ADCY2: variants seen among roughly 807,000 people sequenced by gnomAD.
ADCY2 encodes adenylate cyclase type 2.
A neutral mutation model predicts 125.2 loss-of-function variants in ADCY2; 31 were observed. The observed-to-expected ratio is 0.25, with a 90% CI of 0.19 to 0.33. ADCY2 has a LOEUF of 0.33. ADCY2 is among the 10% of genes least tolerant of loss of function. The probability of loss-of-function intolerance (pLI) is 1.00; values close to 1 mark genes in which losing one functional copy is unlikely to be tolerated. For missense variants in ADCY2, 904 were observed against 1,418.2 expected, an observed-to-expected ratio of 0.64 and a Z score of 5.82; for synonymous variants, 512 against 548.4, an observed-to-expected ratio of 0.93 and a Z score of 0.93.
At chr5:7,533,085 ATG>A (rs1401351301) in intron 3 of ADCY2, among the ~76,000 whole-genome samples, 7 of 149,810 alleles carry the variant, frequency 4.7e-5, no homozygotes, top group African/African-American at 1.7e-4. Context: ...ATAAACATAT[ATG>A]TATATATACA....
At chr5:7,640,393 A>G (rs1738658167) in intron 4 of ADCY2, among the ~76,000 whole-genome samples, 1 of 152,160 alleles carries the variant, frequency 6.6e-6, no homozygotes, top group South Asian at 2.1e-4. Context: ...TTGAAAAGAT[A>G]TGAGTGGAAT....
chr5:7,496,338 A>G (rs1362602612), intron 2 of ADCY2, among the ~76,000 whole-genome samples: 1 of 152,212 alleles, frequency 6.6e-6, no homozygotes, highest in Non-Finnish European at 1.5e-5. Context: ...AGGAATTATC[A>G]TTAAGACGAA....
intron 12 of ADCY2, among the ~76,000 whole-genome samples, chr5:7,722,894 A>T (rs1741804864): frequency 7.2e-6 from 1 of 139,774 alleles, no homozygotes; most frequent in African/African-American, 2.7e-5. Flanking sequence ...CGGGAGGCAG[A>T]GGTTGCAGTG....
chr5:7,617,334 A>C (rs544772836), intron 3 of ADCY2, among the ~76,000 whole-genome samples: 1 of 152,290 alleles, frequency 6.6e-6, no homozygotes, highest in South Asian at 2.1e-4. Flanking sequence ...AAGTCACAGC[A>C]AGAAGGCAGC....
In ADCY2 at chr5:7,669,146, T is replaced by C. The variant is rs149750571; in HGVS notation, c.721-21545T>C. Among the ~76,000 whole-genome samples, 288 of 152,310 alleles carry C rather than the reference T, an allele frequency of 1.9e-3. 1 individual carries two copies. Among genetic ancestry groups the C allele is most frequent in the African/African-American group, 6.6e-3 (273 of 41,582 alleles). ...TGAACAAGAATTAGAGGGAATACACTGGTAGGAACAAAAGGAATCAAGAGT... is the reference window on the plus strand; with the variant it reads ...TGAACAAGAATTAGAGGGAATACACCGGTAGGAACAAAAGGAATCAAGAGT... On this transcript the variant is annotated intron_variant, in intron 4 of 24. Coordinates refer to ENST00000338316, the MANE Select transcript of ADCY2 (RefSeq NM_020546.3).
Position 7,810,063 on chromosome 5 carries a change from A to G in ADCY2, c.2883+5371A>G, listed in dbSNP as rs993451023. Among the ~76,000 whole-genome samples the G allele has an allele frequency of 2.0e-5, 3 of 152,174 alleles. 1 individual carries two copies. Among genetic ancestry groups the G allele is most frequent in the Admixed American group, 6.5e-5 (1 of 15,280 alleles). Reference sequence around the variant, plus strand: ...TGCCCTCAAGACCTCACTCTCTTCTAAGCCTCATACCTGCAGCCCCTGCTT... The same window carrying G: ...TGCCCTCAAGACCTCACTCTCTTCTGAGCCTCATACCTGCAGCCCCTGCTT... On this transcript the variant is annotated intron_variant, in intron 22 of 24. Transcript: ENST00000338316.
At chr5:7,798,199 G>A (rs1744484727) in intron 20 of ADCY2, 2 of 55,538 alleles carry the variant, frequency 3.6e-5, no homozygotes, top group Non-Finnish European at 8.7e-5. Flanking sequence ...ACCTGAGAGG[G>A]TAGTGAGGAG....
At chr5:7,757,415 C>T (rs1195486933) in intron 15 of ADCY2, 34 bp from the exon 16 acceptor site, 1 of 1,605,554 alleles carries the variant, frequency 6.2e-7, no homozygotes, top group Admixed American at 1.7e-5. Flanking sequence ...CATCAGCTAG[C>T]AATGCTTCTC....
chr5:7,753,609 A>T (rs553868092), intron 15 of ADCY2, among the ~76,000 whole-genome samples: 1 of 152,316 alleles, frequency 6.6e-6, no homozygotes, highest in South Asian at 2.1e-4. Context: ...AACAGGATAA[A>T]CTGAAGCCAA....
chr5:7,475,125 G>A (rs1358473939), intron 2 of ADCY2, among the ~76,000 whole-genome samples: 2 of 152,236 alleles, frequency 1.3e-5, no homozygotes, highest in Non-Finnish European at 2.9e-5. Context: ...GAACCCATTG[G>A]CCAGTTCTGA....
At chr5:7,552,885 G>T (rs1735383324) in intron 3 of ADCY2, among the ~76,000 whole-genome samples, 1 of 152,100 alleles carries the variant, frequency 6.6e-6, no homozygotes, top group Non-Finnish European at 1.5e-5. Flanking sequence ...CTCTTTTTAA[G>T]TGGGAGGACC....
At chr5:7,638,437 C>A (rs1359371561) in intron 4 of ADCY2, among the ~76,000 whole-genome samples, 1 of 152,082 alleles carries the variant, frequency 6.6e-6, no homozygotes. Flanking sequence ...TGGACTCTGC[C>A]CTTCTAGTGT....
chr5:7,730,496 T>G (rs1056788930), intron 14 of ADCY2, among the ~76,000 whole-genome samples: 1 of 152,206 alleles, frequency 6.6e-6, no homozygotes. Context: ...TTTTTAAAAA[T>G]TATTCGTTTC....
chr5:7,758,595 C>T (rs906934918), intron 16 of ADCY2, among the ~76,000 whole-genome samples: 3 of 152,180 alleles, frequency 2.0e-5, no homozygotes, highest in East Asian at 1.9e-4. Flanking sequence ...CTGGTATGTG[C>T]TGCATGCTCA....
chr5:7,814,969 C>A (rs1007753459), intron 22 of ADCY2, among the ~76,000 whole-genome samples: 4 of 152,160 alleles, frequency 2.6e-5, no homozygotes, highest in Admixed American at 6.5e-5. Flanking sequence ...CATGTCCTAG[C>A]CCAGGGCATA....
At chr5:7,408,288 C>T (rs1739579064) in intron 1 of ADCY2, among the ~76,000 whole-genome samples, 1 of 152,162 alleles carries the variant, frequency 6.6e-6, no homozygotes, top group Non-Finnish European at 1.5e-5. Flanking sequence ...ATTTTCCCAC[C>T]AGACACCACT....
intron 3 of ADCY2, among the ~76,000 whole-genome samples, chr5:7,574,173 G>A (rs895387766): frequency 8.3e-6 from 1 of 119,970 alleles, no homozygotes; most frequent in East Asian, 2.2e-4. Flanking sequence ...TTGGACATTT[G>A]GGTTGGTTCC....
intron 2 of ADCY2, among the ~76,000 whole-genome samples, chr5:7,429,784 C>T (rs182203724): frequency 3.0e-3 from 463 of 152,204 alleles, no homozygotes; most frequent in African/African-American, 0.011. Flanking sequence ...AAAGTGATAA[C>T]ATTAAATGTT....
chr5:7,687,608 G>A (rs569422799), intron 4 of ADCY2, among the ~76,000 whole-genome samples: 55 of 152,246 alleles, frequency 3.6e-4, no homozygotes, highest in Non-Finnish European at 6.2e-4. Context: ...GCAATGTGCC[G>A]ACCGATTTCT....
Sources: gnomAD v4.1 joint callset for allele counts (sites outside exome capture counted in the v4.1 genomes callset) on GRCh38, gnomAD v4.1.1 for gene constraint, MANE v1.5 for transcripts, NCBI Gene and HGNC (gene_info 2026-07-23, HGNC 2026-07-21) for gene names.